CD276: variants seen among roughly 807,000 people sequenced by gnomAD.
CD276 encodes CD276 molecule.
Under a neutral mutation model 50.0 loss-of-function variants are expected in CD276, and 34 were observed. The observed-to-expected ratio is 0.68, with a 90% confidence interval of 0.52 to 0.91. CD276 has a LOEUF of 0.91. Ranked by LOEUF, CD276 falls within the 40% of genes least tolerant of loss-of-function variation. The pLI, the probability that CD276 is intolerant of heterozygous loss-of-function variation, is 0.00. For missense variants in CD276, 634 were observed against 717.5 expected (o/e 0.88, Z 1.33); for synonymous variants, 275 against 313.0 (o/e 0.88, Z 1.28).
In CD276 at chr15:73,702,377, C is replaced by A. The variant is rs773530239; in HGVS notation, c.202C>A (p.Gln68Lys). The A allele has an allele frequency of 5.0e-6, 8 of 1,613,760 alleles. 1 individual carries two copies. In the South Asian group the frequency reaches 8.8e-5, roughly 18 times the overall value. The change falls in exon 3 of 10, where the codon CAG becomes AAG. Residue 68 changes from glutamine (Q) to lysine (K), a missense_variant. Physicochemically the swap from Gln to Lys is moderately conservative, Grantham distance 53 (BLOSUM62 1). Coordinates refer to ENST00000318443, the MANE Select transcript of CD276 (RefSeq NM_001024736.2). ...CCTGGCACAGCTCAACCTCATCTGG[C>A]AGCTGACAGATACCAAACAGCTGGT... ...FSLAQLNLIW[Q>K]LTDTKQLVHS...
At chr15:73,690,636 T>C (rs1899952073) in intron 1 of CD276, 5 of 453,624 alleles carry the variant, frequency 1.1e-5, no homozygotes, top group South Asian at 7.8e-5. Flanking sequence ...CCACTTTTCC[T>C]GTGATAACAG....
chr15:73,708,611 G>A (rs1007519512), intron 7 of CD276, 138 bp downstream of exon 7: 2 of 1,010,574 alleles, frequency 2.0e-6, no homozygotes, highest in Admixed American at 2.3e-5. Flanking sequence ...GGATTTGTCT[G>A]TGTGTGACCT....
At chr15:73,697,682 C>T (rs1373170240) in intron 1 of CD276, 2 of 151,648 alleles carry the variant, frequency 1.3e-5, no homozygotes, top group Non-Finnish European at 2.9e-5. Flanking sequence ...AATTCTCCTG[C>T]CTCAGCCTCC....
At position 73,712,990 on chromosome 15, in the gene CD276, C is replaced by T. The variant is rs370743733; in HGVS notation, c.*34C>T. On this transcript the variant is annotated 3_prime_UTR_variant, in exon 10 of 10. Transcript: ENST00000318443. ...ACCAGGGAGCTGCTACCCCTCCCTACAGCTCCTACCCTCTGGCTGCAATGG... is the reference window on the plus strand; with the variant it reads ...ACCAGGGAGCTGCTACCCCTCCCTATAGCTCCTACCCTCTGGCTGCAATGG... The T allele has an allele frequency of 1.6e-5, 26 of 1,607,564 alleles. No individual in the cohort carries two copies. In the East Asian group the frequency reaches 1.8e-4, roughly 11 times the overall value.
Position 73,699,737 on chromosome 15 carries a change from G to T in CD276, c.79+19G>T, listed in dbSNP as rs770062795. 4 of 1,575,016 alleles carry T rather than the reference G, an allele frequency of 2.5e-6. No individual in the cohort carries two copies. In the South Asian group the frequency reaches 4.7e-5, roughly 19 times the overall value. On this transcript the variant is annotated intron_variant, in intron 2 of 9. Coordinates refer to ENST00000318443, the MANE Select transcript of CD276 (RefSeq NM_001024736.2). ...CTCACAGGTGAGGGTAGCAGCATGG[G>T]GACGGGAGGGGAGGGACAGTGATTG...
intron 1 of CD276, among the ~76,000 whole-genome samples, chr15:73,698,673 G>C (rs780847045): frequency 3.9e-5 from 6 of 152,126 alleles, no homozygotes; most frequent in Admixed American, 6.5e-5. Context: ...CAATTCTCCT[G>C]CCTCACCCTC....
Position 73,704,939 on chromosome 15 carries a change from C to T in CD276, c.1369+467C>T, listed in dbSNP as rs1054663480. On this transcript the variant is annotated intron_variant, in intron 6 of 9. Coordinates refer to ENST00000318443, the MANE Select transcript of CD276 (RefSeq NM_001024736.2). The surrounding 1 kb of genome is among the most constrained non-coding windows in gnomAD (Gnocchi z 4.1). The stretch of plus-strand genomic sequence containing the variant: ...CAACGTCAGCTCTTCTTCCTGCAGA[C>T]TTGCGCTCCACCCAGGCAGCCGTTG... Among the ~76,000 whole-genome samples, 1 of 152,230 alleles carries T rather than the reference C, an allele frequency of 6.6e-6. No homozygotes were observed. Among genetic ancestry groups the T allele is most frequent in the African/African-American group, 2.4e-5 (1 of 41,472 alleles).
intron 1 of CD276, among the ~76,000 whole-genome samples, chr15:73,696,710 T>C (rs1281692784): frequency 5.3e-5 from 8 of 152,100 alleles, no homozygotes; most frequent in Non-Finnish European, 1.0e-4. Context: ...TAGCCTGATA[T>C]ATGAAGGAGA....
chr15:73,696,092 C>G (rs990125217), intron 1 of CD276, among the ~76,000 whole-genome samples: 17 of 152,244 alleles, frequency 1.1e-4, no homozygotes, highest in Non-Finnish European at 1.9e-4. Flanking sequence ...AGGCTGAGGA[C>G]AGCCTGACCC....
At position 73,706,540 on chromosome 15, in the gene CD276, G is replaced by C. The variant is rs895145402; in HGVS notation, c.1370-1799G>C. Among the ~76,000 whole-genome samples, 7 of 152,226 alleles carry C rather than the reference G, an allele frequency of 4.6e-5. No individual in the cohort carries two copies. In the East Asian group the frequency reaches 1.2e-3, roughly 25 times the overall value. On this transcript the variant is annotated intron_variant, in intron 6 of 9. Coordinates refer to ENST00000318443, the MANE Select transcript of CD276 (RefSeq NM_001024736.2). ...GCAGTGAGGAGATGAGCCATGATCA[G>C]AATCCAACTTTGGCCTCTCAGCCTA... is the stretch of plus-strand genomic sequence containing the variant.
chr15:73,699,748 G>A (rs1335074473), intron 2 of CD276, 30 bp downstream of exon 2: 3 of 1,558,100 alleles, frequency 1.9e-6, no homozygotes, highest in Non-Finnish European at 2.6e-6. Context: ...GACGGGAGGG[G>A]AGGGACAGTG....
In CD276 at chr15:73,687,160, C is replaced by CCT. The variant is rs1899803900; in HGVS notation, c.-55+2701_-55+2702insTC. Among the ~76,000 whole-genome samples, 1 of 152,142 alleles carries CCT rather than the reference C, an allele frequency of 6.6e-6. No homozygotes were observed. The highest frequency in any genetic ancestry group is 6.5e-5 in the Admixed American group (1 of 15,276). On this transcript the variant is annotated intron_variant, in intron 1 of 9. Coordinates refer to ENST00000318443, the MANE Select transcript of CD276 (RefSeq NM_001024736.2). This position sits in a 1 kb window ranked among gnomAD's most constrained non-coding sequence, Gnocchi z 4.0. ...TGTACAGTTATGCAACCCTTGCCTG[C>CCT]CACCCCCAGTTCTACCGCCCTTGCA...
upstream of CD276, chr15:73,684,029 G>A (rs1474377569): frequency 6.6e-6 from 1 of 152,356 alleles, no homozygotes; most frequent in African/African-American, 2.4e-5. Context: ...TGGACAGCAG[G>A]ATTCCAGCCC....
chr15:73,704,736 G>A lies in CD276; in HGVS notation c.1369+264G>A, dbSNP rs185189131. 1.3e-5 allele frequency among the ~76,000 whole-genome samples: 2 copies of A among 152,192 alleles called. No individual in the cohort carries two copies. Among genetic ancestry groups the A allele is most frequent in the African/African-American group, 4.8e-5 (2 of 41,446 alleles). On this transcript the variant is annotated intron_variant, in intron 6 of 9. Coordinates refer to ENST00000318443, the MANE Select transcript of CD276 (RefSeq NM_001024736.2). This position sits in a 1 kb window ranked among gnomAD's most constrained non-coding sequence, Gnocchi z 4.1. ...ACAAGGTACCTGCCCGAAATTTGGA[G>A]GCATGGGCAGGAATTCTGGGGCAGC...
chr15:73,690,278 G>A (rs1016233384), intron 1 of CD276, among the ~76,000 whole-genome samples: 1 of 152,212 alleles, frequency 6.6e-6, no homozygotes, highest in South Asian at 2.1e-4. Flanking sequence ...CCTTCTCAGG[G>A]AGGTTCTCAT....
chr15:73,685,598 G>A (rs1161792018), intron 1 of CD276, among the ~76,000 whole-genome samples: 1 of 151,864 alleles, frequency 6.6e-6, no homozygotes, highest in African/African-American at 2.4e-5. Context: ...TAAAGCCCGG[G>A]GTCCTTTTCT....
intron 6 of CD276, among the ~76,000 whole-genome samples, chr15:73,705,434 G>A (rs1900611788): frequency 6.6e-6 from 1 of 152,018 alleles, no homozygotes; most frequent in African/African-American, 2.4e-5. Flanking sequence ...GACAAGCTCG[G>A]AGCCAGGGCC....
chr15:73,697,016 A>C (rs1228322697), intron 1 of CD276, among the ~76,000 whole-genome samples: 1 of 152,028 alleles, frequency 6.6e-6, no homozygotes, highest in African/African-American at 2.4e-5. Flanking sequence ...GGTTAAAGAG[A>C]GGCAGGGAGA....
intron 1 of CD276, chr15:73,685,108 G>A (rs1195174391): frequency 6.6e-6 from 1 of 152,236 alleles, no homozygotes; most frequent in Non-Finnish European, 1.5e-5. Flanking sequence ...CAGGGGCCAC[G>A]GGGTGAATAG....
Sources: gnomAD v4.1 joint callset for allele counts (sites outside exome capture counted in the v4.1 genomes callset) on GRCh38, gnomAD v4.1.1 for gene constraint, Gnocchi (gnomAD v3.1) non-coding constraint, MANE v1.5 for transcripts, NCBI Gene and HGNC (gene_info 2026-07-23, HGNC 2026-07-21) for gene names.